DDIAS: variants seen among roughly 807,000 people sequenced by gnomAD.
DDIAS encodes the protein DNA damage induced apoptosis suppressor, also known as DNA damage-induced apoptosis suppressor protein.
DDIAS carries 14 observed loss-of-function variants against 15.7 expected under a neutral mutation model. The observed-to-expected ratio is 0.89, with a 90% CI of 0.59 to 1.39. The LOEUF is 1.39. DDIAS is among the 40% of genes most tolerant of loss of function. The pLI is 0.00. For synonymous variants in DDIAS, 355 were observed against 395.9 expected (o/e 0.90, Z 1.23); for missense variants, 1,035 against 1,130.9 (o/e 0.92, Z 1.22).
At position 82,932,399 on chromosome 11, in the gene DDIAS, A is replaced by G. The variant is rs748859666; in HGVS notation, c.1061A>G (p.Lys354Arg). 2 of 1,614,082 alleles carry G rather than the reference A, an allele frequency of 1.2e-6. No homozygotes were observed. Among genetic ancestry groups the G allele is most frequent in the Non-Finnish European group, 1.7e-6 (2 of 1,179,992 alleles). Residue 354 changes from lysine (K) to arginine (R), a missense_variant, in exon 6 of 6, where the codon AAA (lysine) becomes AGA (arginine). Transcript: ENST00000533655. ...MREPLESSNTKSFHSAVEIKN... is the reference protein window; with the variant it reads ...MREPLESSNTRSFHSAVEIKN... ...GAGCCCCTTGAGTCAAGTAATACAA[A>G]ATCCTTCCACAGTGCAGTGGAAATT...
At chr11:82,906,691 T>A (rs1273070863) in intron 1 of DDIAS, among the ~76,000 whole-genome samples, 3 of 152,060 alleles carry the variant, frequency 2.0e-5, no homozygotes, top group Non-Finnish European at 4.4e-5. Context: ...CTAAAGAAAA[T>A]AGTCTCTGCT....
intron 3 of DDIAS, among the ~76,000 whole-genome samples, chr11:82,923,597 G>A (rs1445379659): frequency 1.3e-5 from 2 of 152,126 alleles, no homozygotes; most frequent in Non-Finnish European, 2.9e-5. Context: ...CAATCTATAG[G>A]TATTCTGCAG....
chr11:82,904,840 G>A (rs1860393621), intron 1 of DDIAS, among the ~76,000 whole-genome samples: 3 of 152,160 alleles, frequency 2.0e-5, no homozygotes, highest in African/African-American at 7.2e-5. Context: ...AAATGCATCA[G>A]GCATTAGCTT....
intron 3 of DDIAS, chr11:82,922,824 A>G (rs1860782427): frequency 6.6e-6 from 1 of 152,142 alleles, no homozygotes; most frequent in African/African-American, 2.4e-5. Flanking sequence ...GCTCTGTCAG[A>G]GAGGCAAGGT....
At chr11:82,908,412 G>A (rs1290521187) in intron 1 of DDIAS, among the ~76,000 whole-genome samples, 2 of 152,180 alleles carry the variant, frequency 1.3e-5, no homozygotes, top group Non-Finnish European at 2.9e-5. Flanking sequence ...AGCATGTTCA[G>A]GAGTGAGCTT....
chr11:82,924,774 C>A (rs976069130), intron 3 of DDIAS, among the ~76,000 whole-genome samples: 1 of 151,548 alleles, frequency 6.6e-6, no homozygotes, highest in Non-Finnish European at 1.5e-5. Flanking sequence ...AAGATCATAC[C>A]GTTGCACTCC....
chr11:82,904,009 A>C (rs1482833141), intron 1 of DDIAS, among the ~76,000 whole-genome samples: 1 of 152,240 alleles, frequency 6.6e-6, no homozygotes, highest in African/African-American at 2.4e-5. Context: ...AAGCTTGAGC[A>C]AAGAGAGTAA....
rs1860954006 is a variant in DDIAS at position 82,930,197 on chromosome 11, A to G, written c.316A>G (p.Asn106Asp). 3.1e-6 allele frequency: 5 copies of G among 1,602,258 alleles called. No individual in the cohort carries two copies. The highest frequency in any genetic ancestry group is 3.4e-6 in the Non-Finnish European group (4 of 1,173,398). The change falls in exon 5 of 6, where the codon AAT (asparagine) becomes GAT (aspartate). Residue 106 changes from asparagine to aspartate, a missense_variant. By Grantham distance (23) the Asn-to-Asp change is conservative (BLOSUM62 1). Transcript: ENST00000533655. ...DPNKIPETLDNDTTQNLLTKA... is the reference protein window; with the variant it reads ...DPNKIPETLDDDTTQNLLTKA... ...TAATAAAATTCCAGAAACACTGGAC[A>G]ATGATACAACTCAGAATCTATTAAC... is the stretch of plus-strand genomic sequence containing the variant.
chr11:82,928,906 AT>A lies in DDIAS; in HGVS notation c.249del (p.Phe83LeufsTer31). 6.2e-7 allele frequency: 1 copy of A among 1,612,300 alleles called. No individual in the cohort carries two copies. Among genetic ancestry groups the A allele is most frequent in the Admixed American group, 1.7e-5 (1 of 59,608 alleles). On this transcript the variant is annotated frameshift_variant, in exon 4 of 6. Coordinates refer to ENST00000533655, the MANE Select transcript of DDIAS (RefSeq NM_145018.4). LOFTEE classifies it high-confidence loss of function. ...ITVFGSCLDT[F>X]FGLTATGLHR... ...CTGTATTTGGAAGTTGCTTAGATACATTTTTTGGTCTTACTGCCACTGGTTT... is the reference window on the plus strand; with the variant it reads ...CTGTATTTGGAAGTTGCTTAGATACATTTTTGGTCTTACTGCCACTGGTTT...
At chr11:82,912,650 A>T (rs988970067) in intron 1 of DDIAS, among the ~76,000 whole-genome samples, 7 of 152,212 alleles carry the variant, frequency 4.6e-5, no homozygotes, top group African/African-American at 1.4e-4. Flanking sequence ...TTACATTCTT[A>T]CTTATGTGTT....
intron 3 of DDIAS, among the ~76,000 whole-genome samples, chr11:82,920,325 A>G (rs1860718911): frequency 6.6e-6 from 1 of 151,980 alleles, no homozygotes; most frequent in African/African-American, 2.4e-5. Context: ...TCAAAGAGCC[A>G]GCTTTTGGTT....
intron 3 of DDIAS, among the ~76,000 whole-genome samples, chr11:82,921,599 A>T (rs1590806442): frequency 2.2e-5 from 2 of 90,728 alleles, no homozygotes; most frequent in Non-Finnish European, 4.2e-5. Context: ...TTTTTTTGAG[A>T]CGGAGTTTCG....
In DDIAS at chr11:82,928,883, G is replaced by A. The variant is rs1468880620; in HGVS notation, c.220G>A (p.Val74Ile). Residue 74 changes from valine to isoleucine, a missense_variant, in exon 4 of 6, where the codon GTA (valine) becomes ATA (isoleucine). Physicochemically the swap from Val to Ile is conservative, Grantham distance 29. Coordinates refer to ENST00000533655, the MANE Select transcript of DDIAS (RefSeq NM_145018.4). ...AESNKLFVIT[V>I]FGSCLDTFFG... ...ATCAAACAAATTGTTTGTTATTACT[G>A]TATTTGGAAGTTGCTTAGATACATT... 1 of 1,612,722 alleles carries A rather than the reference G, an allele frequency of 6.2e-7. No individual in the cohort carries two copies. Among genetic ancestry groups the A allele is most frequent in the Admixed American group, 1.7e-5 (1 of 59,770 alleles).
chr11:82,913,167 A>G (rs1300604976), intron 1 of DDIAS, 120 bp from the exon 2 acceptor site: 1 of 152,212 alleles, frequency 6.6e-6, no homozygotes, highest in African/African-American at 2.4e-5. Flanking sequence ...GGTTGCTATA[A>G]ACCTTCAATT....
chr11:82,931,788 C>G lies in DDIAS; in HGVS notation c.450C>G (p.Cys150Trp). The G allele has an allele frequency of 1.2e-6, 2 of 1,614,154 alleles. No homozygotes were observed. The highest frequency in any genetic ancestry group is 1.7e-6 in the Non-Finnish European group (2 of 1,180,006). The change falls in exon 6 of 6, where the codon TGC becomes TGG. Residue 150 changes from cysteine (C) to tryptophan (W), a missense_variant. Physicochemically the swap from Cys to Trp is radical, Grantham distance 215. Coordinates refer to ENST00000533655, the MANE Select transcript of DDIAS (RefSeq NM_145018.4). The stretch of plus-strand genomic sequence containing the variant: ...ATGCCAGTAACTTCTTACAGCAATG[C>G]TCTGACCACAAAAGAAAAGCCAAAG... The part of the protein sequence containing the change: ...GSDASNFLQQ[C>W]SDHKRKAKAL...
At chr11:82,928,177 CTTTTTTTTTTTTTTTTTTTTTTTTTT>C (rs541845327) in intron 3 of DDIAS, among the ~76,000 whole-genome samples, 9 of 34,208 alleles carry the variant, frequency 2.6e-4, no homozygotes, top group South Asian at 1.4e-3. Context: ...TTTTTGTCCT[CTTTTTTTTTTTTTTTTTTTTTTTTTT>C]TTTTTTTTTT....
At chr11:82,908,303 T>A (rs1860469144) in intron 1 of DDIAS, among the ~76,000 whole-genome samples, 1 of 151,886 alleles carries the variant, frequency 6.6e-6, no homozygotes, top group South Asian at 2.1e-4. Flanking sequence ...CAAAGTGAGG[T>A]CAGGGATTGG....
At position 82,933,151 on chromosome 11, in the gene DDIAS, G is replaced by A. The variant is rs1220171412; in HGVS notation, c.1813G>A (p.Asp605Asn). 2 of 1,609,938 alleles carry A rather than the reference G, an allele frequency of 1.2e-6. No homozygotes were observed. The highest frequency in any genetic ancestry group is 1.7e-6 in the Non-Finnish European group (2 of 1,179,754). The change falls in exon 6 of 6, where the codon GAT (aspartate) becomes AAT (asparagine). Residue 605 changes from aspartate to asparagine, a missense_variant. Coordinates refer to ENST00000533655, the MANE Select transcript of DDIAS (RefSeq NM_145018.4). The stretch of plus-strand genomic sequence containing the variant: ...TTATAGGAAGTATAATGATGTCTCT[G>A]ATCTTTGCAAATTAGAAAATAAACA... ...LCYRKYNDVS[D>N]LCKLENKQYC...
intron 3 of DDIAS, among the ~76,000 whole-genome samples, chr11:82,922,317 A>T (rs1371737504): frequency 6.6e-6 from 1 of 152,220 alleles, no homozygotes; most frequent in Non-Finnish European, 1.5e-5. Flanking sequence ...CCAAACTTTT[A>T]GATTTCTCTT....
Sources: allele counts gnomAD v4.1 joint callset (sites outside exome capture counted in the v4.1 genomes callset), GRCh38; gene constraint gnomAD v4.1.1; transcripts MANE v1.5; gene names NCBI Gene and HGNC (gene_info 2026-07-23, HGNC 2026-07-21).